The following CDH17 variants were observed in gnomAD, a reference collection of about 807,000 sequenced individuals.
CDH17 encodes the protein cadherin 17.
A neutral mutation model predicts 86.3 loss-of-function variants in CDH17; 67 were observed. That is an observed-to-expected ratio of 0.78 (90% CI 0.64 to 0.95). The LOEUF is 0.95. Among genes scored for constraint, CDH17 ranks in the 40% least tolerant of loss-of-function variants. The probability of loss-of-function intolerance (pLI) is 0.00; values close to 1 mark genes in which losing one functional copy is unlikely to be tolerated. For synonymous variants in CDH17, 367 were observed against 366.4 expected, an observed-to-expected ratio of 1.00 and a Z score of -0.02; for missense variants, 993 against 1,017.6, an observed-to-expected ratio of 0.98 and a Z score of 0.33.
At chr8:94,181,392 G>A (rs1171722408) in intron 3 of CDH17, among the ~76,000 whole-genome samples, 1 of 152,098 alleles carries the variant, frequency 6.6e-6, no homozygotes, top group Non-Finnish European at 1.5e-5. Flanking sequence ...CTCCAGGAGA[G>A]GTTATATGTT....
intron 10 of CDH17, among the ~76,000 whole-genome samples, chr8:94,165,363 G>T (rs555988146): frequency 6.6e-6 from 1 of 152,254 alleles, no homozygotes; most frequent in East Asian, 1.9e-4. Context: ...GACTGTCCTA[G>T]TCTAGGACAT....
At chr8:94,191,544 C>G (rs1218157365) in intron 2 of CDH17, among the ~76,000 whole-genome samples, 3 of 151,180 alleles carry the variant, frequency 2.0e-5, no homozygotes, top group Non-Finnish European at 4.4e-5. Context: ...ATCTGCCTCC[C>G]AGGTTCAAGC....
chr8:94,192,453 T>C (rs1813706135), intron 2 of CDH17, among the ~76,000 whole-genome samples: 1 of 152,208 alleles, frequency 6.6e-6, no homozygotes, highest in Non-Finnish European at 1.5e-5. Flanking sequence ...CAAGACATCA[T>C]TTCTTCTGAC....
At position 94,148,798 on chromosome 8, in the gene CDH17, A is replaced by G. The variant is rs1357009551; in HGVS notation, c.1873T>C (p.Leu625=). ...TATGGACTTCCGGCTTCTCTGTCCA[A>G]TGGAGCCACACTAAAGATCTCACCA... is the stretch of plus-strand genomic sequence containing the variant. ...VTGEIFSVAP[L]DREAGSPYRV... is the part of the protein sequence containing the mutation. Residue 625 remains leucine, a synonymous_variant, in exon 14 of 18, where the codon TTG becomes CTG. Transcript: ENST00000027335. 1.9e-6 allele frequency: 3 copies of G among 1,603,794 alleles called. No individual in the cohort carries two copies. The highest frequency in any genetic ancestry group is 8.5e-7 in the Non-Finnish European group (1 of 1,176,952).
chr8:94,202,941 C>A, intron 1 of CDH17: 1 of 328,014 alleles, frequency 3.0e-6, no homozygotes, highest in Non-Finnish European at 5.9e-6. Flanking sequence ...GCTTCCCCTT[C>A]TTGGGCTTTT....
Position 94,198,140 on chromosome 8 carries a change from C to T in CDH17, c.-20-3435G>A, listed in dbSNP as rs565948858. On this transcript the variant is annotated intron_variant, in intron 1 of 17. Transcript: ENST00000027335. ...TAGAGCTGTAGAGATATACAAATAT[C>T]ATGTATGTATGTATATATATTTATA... is the stretch of plus-strand genomic sequence containing the variant. 3.9e-5 allele frequency among the ~76,000 whole-genome samples: 6 copies of T among 152,160 alleles called. No individual in the cohort carries two copies. In the East Asian group the frequency reaches 1.2e-3, roughly 29 times the overall value.
rs746919625 is a variant in CDH17, at chr8:94,130,753, C to T, written c.2285-14G>A. The T allele has an allele frequency of 2.5e-6, 4 of 1,601,822 alleles. No homozygotes were observed. The African/African-American group carries it at 4.0e-5, about 16-fold the overall frequency. The stretch of plus-strand genomic sequence containing the variant: ...TGCAGAATGTAACTGAAAAGCAGGA[C>T]AGTATTTGGTAGGATAAATTCTCAA... On this transcript the variant is annotated splice_polypyrimidine_tract_variant and intron_variant, in intron 16 of 17. Transcript: ENST00000027335.
At chr8:94,200,245 G>C (rs755637547) in intron 1 of CDH17, among the ~76,000 whole-genome samples, 7 of 152,156 alleles carry the variant, frequency 4.6e-5, no homozygotes, top group Non-Finnish European at 1.0e-4. Flanking sequence ...CAATGGTGCT[G>C]ATGGGAAGCC....
rs1240061977 is a variant in CDH17 at position 94,139,635 on chromosome 8, G to T, written c.2167+6293C>A. 2.0e-5 allele frequency among the ~76,000 whole-genome samples: 3 copies of T among 152,306 alleles called. No homozygotes were observed. In the South Asian group the frequency reaches 6.2e-4, roughly 32 times the overall value. On this transcript the variant is annotated intron_variant, in intron 15 of 17. Transcript: ENST00000027335. ...CATAGTGGGCAGGGCACCCCCGGTG[G>T]CTCATGCCTATAATCCCAGCACTTT... is the stretch of plus-strand genomic sequence containing the variant.
chr8:94,136,483 G>T (rs1464578992), intron 15 of CDH17, among the ~76,000 whole-genome samples: 5 of 152,100 alleles, frequency 3.3e-5, no homozygotes, highest in African/African-American at 1.2e-4. Flanking sequence ...ATGGTTTTCA[G>T]CTCTATCAGG....
upstream of CDH17, among the ~76,000 whole-genome samples, chr8:94,209,554 T>G (rs1230321683): frequency 6.6e-6 from 1 of 152,174 alleles, no homozygotes; most frequent in East Asian, 1.9e-4. Context: ...TCTAAGCCAC[T>G]GTGGGAATAG....
intron 2 of CDH17, among the ~76,000 whole-genome samples, chr8:94,193,855 G>A (rs1212036096): frequency 6.6e-6 from 1 of 151,820 alleles, no homozygotes; most frequent in Admixed American, 6.6e-5. Flanking sequence ...TATTTTTTGG[G>A]ACTTGAAATT....
chr8:94,142,812 T>G (rs1812665714), intron 15 of CDH17, among the ~76,000 whole-genome samples: 1 of 152,232 alleles, frequency 6.6e-6, no homozygotes, highest in Admixed American at 6.5e-5. Context: ...AGTTTGATCA[T>G]GAGAGTGCAG....
At chr8:94,164,389 A>G (rs551378080) in intron 10 of CDH17, among the ~76,000 whole-genome samples, 10 of 152,330 alleles carry the variant, frequency 6.6e-5, no homozygotes, top group African/African-American at 2.2e-4. Context: ...ATGTCTCCCC[A>G]GTACCTTGCA....
chr8:94,198,714 A>G (rs1426794961), intron 1 of CDH17, among the ~76,000 whole-genome samples: 2 of 152,106 alleles, frequency 1.3e-5, no homozygotes, highest in East Asian at 3.8e-4. Context: ...TCTGGCAGCC[A>G]AGCTCTCACC....
At chr8:94,204,847 A>G (rs1441673515) in intron 1 of CDH17, among the ~76,000 whole-genome samples, 1 of 152,192 alleles carries the variant, frequency 6.6e-6, no homozygotes, top group East Asian at 1.9e-4. Context: ...AAAACATCCC[A>G]GCATTGAATG....
chr8:94,150,513 C>A (rs1812836683), intron 13 of CDH17, among the ~76,000 whole-genome samples: 1 of 152,188 alleles, frequency 6.6e-6, no homozygotes, highest in African/African-American at 2.4e-5. Context: ...CTGGAGTCAT[C>A]CTTAATTCTT....
intron 1 of CDH17, among the ~76,000 whole-genome samples, chr8:94,205,114 C>T (rs768804058): frequency 3.9e-5 from 6 of 152,146 alleles, no homozygotes; most frequent in Non-Finnish European, 7.3e-5. Context: ...TCAGCATTGA[C>T]TTCCCTCACG....
chr8:94,183,725 T>C (rs1273317554), intron 3 of CDH17, among the ~76,000 whole-genome samples: 1 of 151,722 alleles, frequency 6.6e-6, no homozygotes, highest in East Asian at 1.9e-4. Context: ...TCATCGAAAT[T>C]CAAAGCATTT....
Sources: gnomAD v4.1 joint callset for allele counts (sites outside exome capture counted in the v4.1 genomes callset) on GRCh38, gnomAD v4.1.1 for gene constraint, MANE v1.5 for transcripts, NCBI Gene and HGNC (gene_info 2026-07-23, HGNC 2026-07-21) for gene names.